The following SPATA31F1 variants were observed in gnomAD, a reference collection of about 807,000 sequenced individuals.
SPATA31F1 encodes the protein protein SPATA31F1.
chr9:34,727,127 T>C, the SPATA31F1 span: 1 of 1,416,634 alleles, frequency 7.1e-7, no homozygotes, highest in South Asian at 1.5e-5. Context: ...CCTGTCTGCT[T>C]TCCTTGCTAA....
the SPATA31F1 span, among the ~76,000 whole-genome samples, chr9:34,728,324 A>G: frequency 1.3e-3 from 205 of 152,364 alleles, 1 homozygote; most frequent in African/African-American, 4.5e-3. Context: ...CATTTTGTGG[A>G]TAAGAATGAG....
chr9:34,728,025 T>G, the SPATA31F1 span: 2 of 1,552,100 alleles, frequency 1.3e-6, no homozygotes, highest in Non-Finnish European at 1.7e-6. Flanking sequence ...AGATCACCTT[T>G]TAATGATGGA....
the SPATA31F1 span, chr9:34,728,115 G>A: frequency 6.5e-7 from 1 of 1,544,476 alleles, no homozygotes; most frequent in African/African-American, 1.4e-5. Context: ...TATATGGCAT[G>A]GGATAATTTC....
chr9:34,723,962 G>C, the SPATA31F1 span: 2 of 1,550,964 alleles, frequency 1.3e-6, no homozygotes, highest in African/African-American at 2.7e-5. Flanking sequence ...GGACCCTCGG[G>C]GTGTCTTGTT....
the SPATA31F1 span, chr9:34,725,755 G>A: frequency 3.9e-6 from 6 of 1,526,926 alleles, no homozygotes; most frequent in Admixed American, 1.2e-4. Flanking sequence ...TCCAGTTTGG[G>A]GAAAGTGGGG....
the SPATA31F1 span, among the ~76,000 whole-genome samples, chr9:34,727,759 T>G: frequency 6.6e-6 from 1 of 152,228 alleles, no homozygotes; most frequent in Non-Finnish European, 1.5e-5. Context: ...CCATGTAATA[T>G]GTTTTATGAA....
the SPATA31F1 span, chr9:34,726,490 G>A: frequency 6.4e-7 from 1 of 1,551,650 alleles, no homozygotes; most frequent in South Asian, 1.2e-5. Flanking sequence ...AGTGATGCTG[G>A]CCTTGGTTTC....
chr9:34,726,462 A>G, the SPATA31F1 span: 18 of 1,551,546 alleles, frequency 1.2e-5, no homozygotes, highest in Non-Finnish European at 1.5e-5. Flanking sequence ...AGGGACAGCA[A>G]GGAGACCTGG....
the SPATA31F1 span, chr9:34,723,163 C>T: frequency 4.0e-6 from 6 of 1,482,822 alleles, no homozygotes; most frequent in Middle Eastern, 2.1e-4. Flanking sequence ...AGCCTATAAA[C>T]TCTTTTTCAT....
At chr9:34,727,090 C>T in the SPATA31F1 span, 2 of 1,462,326 alleles carry the variant, frequency 1.4e-6, no homozygotes, top group Non-Finnish European at 1.8e-6. Context: ...CCTGAAAACC[C>T]TGGGGCCTAT....
the SPATA31F1 span, chr9:34,723,717 G>C: frequency 6.4e-7 from 1 of 1,551,710 alleles, no homozygotes; most frequent in Non-Finnish European, 8.7e-7. Flanking sequence ...GCCTGAGTTG[G>C]TTGGCTCAGG....
At chr9:34,729,127 G>A in the SPATA31F1 span, among the ~76,000 whole-genome samples, 6 of 152,134 alleles carry the variant, frequency 3.9e-5, no homozygotes, top group African/African-American at 1.4e-4. Flanking sequence ...GGAAGGGCCT[G>A]GTAAGGAATT....
chr9:34,728,134 C>G, the SPATA31F1 span: 184 of 1,510,590 alleles, frequency 1.2e-4, 1 homozygote, highest in East Asian at 4.5e-3. Flanking sequence ...TCATAGGCAT[C>G]CTATAGGAAG....
chr9:34,726,683 G>A, the SPATA31F1 span: 1 of 1,551,634 alleles, frequency 6.4e-7, no homozygotes, highest in Non-Finnish European at 8.7e-7. Flanking sequence ...CGTTGACTGG[G>A]CAGCTGACTG....
At chr9:34,729,147 G>A in the SPATA31F1 span, 1 of 1,085,582 alleles carries the variant, frequency 9.2e-7, no homozygotes, top group Non-Finnish European at 1.3e-6. Flanking sequence ...TATAGTCTCT[G>A]AGAAGAAAAG....
At chr9:34,723,408 G>C in the SPATA31F1 span, 2 of 1,551,754 alleles carry the variant, frequency 1.3e-6, no homozygotes, top group East Asian at 4.9e-5. Flanking sequence ...TGAGCAGGAC[G>C]AGATTGGGCC....
the SPATA31F1 span, among the ~76,000 whole-genome samples, chr9:34,729,005 TC>T: frequency 6.6e-6 from 1 of 151,992 alleles, no homozygotes; most frequent in Non-Finnish European, 1.5e-5. Flanking sequence ...ACCGGAAAAA[TC>T]CCCCATATTC....
At chr9:34,729,191 A>G in the SPATA31F1 span, 4 of 1,416,964 alleles carry the variant, frequency 2.8e-6, no homozygotes, top group Non-Finnish European at 3.7e-6. Flanking sequence ...TATGCTATAA[A>G]AATTCTGGGG....
chr9:34,723,407 C>G, the SPATA31F1 span: 1 of 1,551,704 alleles, frequency 6.4e-7, no homozygotes, highest in Non-Finnish European at 8.7e-7. Context: ...CTGAGCAGGA[C>G]GAGATTGGGC....
Sources: allele counts gnomAD v4.1 joint callset (sites outside exome capture counted in the v4.1 genomes callset), GRCh38; gene constraint gnomAD v4.1.1; transcripts MANE v1.5; gene names NCBI Gene and HGNC (gene_info 2026-07-23, HGNC 2026-07-21).